The following WNK1 variants were observed in gnomAD, a reference collection of about 807,000 sequenced individuals.
WNK1 encodes WNK lysine deficient protein kinase 1.
In WNK1, 38 loss-of-function variants were observed where a neutral mutation model predicts 222.8. That is an observed-to-expected ratio of 0.17 (90% CI 0.13 to 0.22). WNK1 has a LOEUF of 0.22. Ranked by LOEUF, WNK1 falls within the 10% of genes least tolerant of loss-of-function variation. The pLI is 1.00. For missense variants in WNK1, 2,348 were observed against 2,918.4 expected (o/e 0.80, Z 4.50); for synonymous variants, 1,090 against 1,092.9 (o/e 1.00, Z 0.05).
chr12:830,084 T>C lies in WNK1; in HGVS notation c.1235T>C (p.Met412Thr), dbSNP rs1327616270. The C allele has an allele frequency of 1.2e-6, 2 of 1,614,044 alleles. No homozygotes were observed. The highest frequency in any genetic ancestry group is 1.7e-6 in the Non-Finnish European group (2 of 1,180,008). ...GACGTTTATGCTTTTGGGATGTGCATGCTTGAGATGGCTACATCTGAATAT... is the reference window on the plus strand; with the variant it reads ...GACGTTTATGCTTTTGGGATGTGCACGCTTGAGATGGCTACATCTGAATAT... Reference protein sequence around the residue: ...SVDVYAFGMCMLEMATSEYPY... With the variant: ...SVDVYAFGMCTLEMATSEYPY... The change falls in exon 4 of 28, where the codon ATG (methionine) becomes ACG (threonine). Residue 412 changes from methionine to threonine, a missense_variant. Met to Thr is a moderately conservative substitution (Grantham distance 81, BLOSUM62 -1). Around this residue, in one of 13 missense-constraint regions of WNK1, gnomAD observed 8 missense variants for 86.0 expected, o/e 0.09. Transcript: ENST00000315939.
intron 22 of WNK1, among the ~76,000 whole-genome samples, chr12:891,927 CA>C (rs923976435): frequency 1.5e-4 from 21 of 137,864 alleles, no homozygotes; most frequent in Admixed American, 2.2e-4. Context: ...GACCCTGTCT[CA>C]AAAAAAAAAT....
At chr12:782,384 T>A (rs1165845553) in intron 1 of WNK1, among the ~76,000 whole-genome samples, 4 of 152,150 alleles carry the variant, frequency 2.6e-5, no homozygotes, top group African/African-American at 9.7e-5. Context: ...ATTTTATAGA[T>A]GAGAAAACCA....
intron 1 of WNK1, among the ~76,000 whole-genome samples, chr12:757,673 T>G (rs1349352437): frequency 8.3e-6 from 1 of 120,244 alleles, no homozygotes; most frequent in Non-Finnish European, 2.0e-5. Flanking sequence ...GGGCTCTATC[T>G]GCAGAGTTTA....
intron 2 of WNK1, among the ~76,000 whole-genome samples, chr12:822,680 T>G (rs553348921): frequency 1.3e-4 from 20 of 152,316 alleles, no homozygotes; most frequent in African/African-American, 4.6e-4. Context: ...CCATTTTATG[T>G]TTTCATTGTC....
intron 1 of WNK1, among the ~76,000 whole-genome samples, chr12:771,020 A>G (rs1210649147): frequency 1.3e-5 from 2 of 151,998 alleles, no homozygotes; most frequent in Non-Finnish European, 2.9e-5. Flanking sequence ...TTGGAGACGG[A>G]GTCTTCGCTT....
At chr12:836,376 A>G (rs1024412184) in intron 4 of WNK1, among the ~76,000 whole-genome samples, 2 of 152,232 alleles carry the variant, frequency 1.3e-5, no homozygotes, top group Non-Finnish European at 2.9e-5. Context: ...ATTATATAAG[A>G]AAGTACATTT....
chr12:911,241 A>G lies in WNK1; in HGVS notation c.*2449A>G. The G allele has an allele frequency of 2.5e-6, 1 of 398,560 alleles. No homozygotes were observed. 24.7% of individuals were successfully genotyped at this position (398,560 alleles called of 1,614,324 possible). ...CACATTAAAAACTTTCTGAATTATAAATGTTTTCCTTACATTATTTAACAA... is the reference window on the plus strand; with the variant it reads ...CACATTAAAAACTTTCTGAATTATAGATGTTTTCCTTACATTATTTAACAA... On this transcript the variant is annotated 3_prime_UTR_variant, in exon 28 of 28. Transcript: ENST00000315939.
At position 753,114 on chromosome 12, in the gene WNK1, G is replaced by A. The variant is rs118007973; in HGVS notation, c.-452G>A. 6,989 of 153,078 alleles carry A rather than the reference G, an allele frequency of 0.046. 211 individuals are homozygous for A. Among genetic ancestry groups the A allele is most frequent in the East Asian group, 0.094 (484 of 5,174 alleles). 9.5% of individuals were successfully genotyped at this position (153,078 alleles called of 1,614,324 possible). A position where few individuals can be genotyped will look rare whatever the true frequency, so the allele number is the denominator to read the frequency against. On this transcript the variant is annotated 5_prime_UTR_variant, in exon 1 of 28. Transcript: ENST00000315939. The surrounding 1 kb of genome is among the most constrained non-coding windows in gnomAD (Gnocchi z 5.2). ...GCGTCGGACCTGGTCCCGTGCTCGC[G>A]GTGCCGCCGCCCTCTGGGCCTAGCC...
Position 753,048 on chromosome 12 carries a change from G to GGCCCCTCCCACTCCTCT in WNK1, c.-512_-496dup, listed in dbSNP as rs1267340958. ...GCCGCGGCCTTCCCTCGCCCGCCTCGGCCCCTCCCACTCCTCTGCCCCGGG... is the reference window on the plus strand; with the variant it reads ...GCCGCGGCCTTCCCTCGCCCGCCTCGGCCCCTCCCACTCCTCTGCCCCTCCCACTCCTCTGCCCCGGG... On this transcript the variant is annotated 5_prime_UTR_variant, in exon 1 of 28. Coordinates refer to ENST00000315939, the MANE Select transcript of WNK1 (RefSeq NM_018979.4). This position sits in a 1 kb window ranked among gnomAD's most constrained non-coding sequence, Gnocchi z 5.2. The GGCCCCTCCCACTCCTCT allele has an allele frequency of 5.3e-5, 8 of 152,070 alleles. No homozygotes were observed. Among genetic ancestry groups the GGCCCCTCCCACTCCTCT allele is most frequent in the African/African-American group, 1.9e-4 (8 of 41,510 alleles). The allele number at this position is 152,070 out of a possible 1,614,324, so 9.4% of individuals were successfully genotyped here. A position where few individuals can be genotyped will look rare whatever the true frequency, so the allele number is the denominator to read the frequency against.
At chr12:839,333 C>G (rs1949441876) in intron 4 of WNK1, among the ~76,000 whole-genome samples, 1 of 152,158 alleles carries the variant, frequency 6.6e-6, no homozygotes, top group South Asian at 2.1e-4. Flanking sequence ...ATGTCAACAC[C>G]TACAGACTTA....
intron 4 of WNK1, among the ~76,000 whole-genome samples, chr12:831,457 G>C (rs930807430): frequency 6.6e-6 from 1 of 151,536 alleles, no homozygotes; most frequent in African/African-American, 2.4e-5. Context: ...AGAATCTCTG[G>C]AACCCGGGAG....
At chr12:777,158 G>GTTTTTTTTTTTTTT (rs560869282) in intron 1 of WNK1, among the ~76,000 whole-genome samples, 2 of 131,158 alleles carry the variant, frequency 1.5e-5, no homozygotes, top group Non-Finnish European at 1.7e-5. Flanking sequence ...GATTTTTTTT[G>GTTTTTTTTTTTTTT]TTTTTTTTTT....
intron 4 of WNK1, among the ~76,000 whole-genome samples, chr12:848,056 C>T (rs954933151): frequency 6.6e-6 from 1 of 151,998 alleles, no homozygotes; most frequent in Non-Finnish European, 1.5e-5. Context: ...CTGCCCGCTT[C>T]GGCCCTCCAA....
At chr12:834,014 G>A (rs1212254728) in intron 4 of WNK1, among the ~76,000 whole-genome samples, 4 of 152,108 alleles carry the variant, frequency 2.6e-5, no homozygotes, top group Non-Finnish European at 5.9e-5. Context: ...GAGAGTGGAG[G>A]AACAATGGAT....
Position 909,946 on chromosome 12 carries a change from TGAG to T in WNK1, c.*1159_*1161del, listed in dbSNP as rs1955970024. 6.6e-6 allele frequency: 1 copy of T among 152,112 alleles called. No homozygotes were observed. The highest frequency in any genetic ancestry group is 6.6e-5 in the Admixed American group (1 of 15,264). 9.4% of individuals were successfully genotyped at this position (152,112 alleles called of 1,614,324 possible). A position where few individuals can be genotyped will look rare whatever the true frequency, so the allele number is the denominator to read the frequency against. ...ACAGAAAGTTCTGTTTCGGGAATAG[TGAG>T]GAGGGGGTGTTGTAACAAAATTGGA... On this transcript the variant is annotated 3_prime_UTR_variant, in exon 28 of 28. Coordinates refer to ENST00000315939, the MANE Select transcript of WNK1 (RefSeq NM_018979.4).
intron 4 of WNK1, among the ~76,000 whole-genome samples, chr12:849,096 C>T (rs553664385): frequency 1.3e-5 from 2 of 152,310 alleles, no homozygotes; most frequent in Non-Finnish European, 2.9e-5. Context: ...ACTTTTGCAG[C>T]ACACATTGCT....
At chr12:807,459 T>C (rs1316560862) in intron 1 of WNK1, among the ~76,000 whole-genome samples, 2 of 152,076 alleles carry the variant, frequency 1.3e-5, no homozygotes, top group East Asian at 3.9e-4. Flanking sequence ...AACAATTCTT[T>C]GAGATGCTTG....
chr12:807,765 G>A (rs1410993339), intron 1 of WNK1, among the ~76,000 whole-genome samples: 2 of 133,446 alleles, frequency 1.5e-5, no homozygotes, highest in Admixed American at 9.1e-5. Flanking sequence ...TGTGGCCCAG[G>A]CTGGAGTGCA....
At chr12:793,756 T>C (rs1392494413) in intron 1 of WNK1, among the ~76,000 whole-genome samples, 1 of 152,210 alleles carries the variant, frequency 6.6e-6, no homozygotes, top group African/African-American at 2.4e-5. Flanking sequence ...CATTTGCATT[T>C]TTATAAACAG....
Sources: allele counts gnomAD v4.1 joint callset (sites outside exome capture counted in the v4.1 genomes callset), GRCh38; gene constraint gnomAD v4.1.1; regional missense constraint gnomAD v4.1.1; non-coding constraint Gnocchi (gnomAD v3.1); transcripts MANE v1.5; gene names NCBI Gene and HGNC (gene_info 2026-07-23, HGNC 2026-07-21).